Variants in MUSK observed in about 807,000 individuals in gnomAD.
The protein encoded by MUSK is muscle, skeletal receptor tyrosine-protein kinase.
A neutral mutation model predicts 88.7 loss-of-function variants in MUSK; 55 were observed. The observed-to-expected ratio is 0.62, with a 90% CI of 0.50 to 0.78. MUSK has a LOEUF of 0.78. MUSK is among the 30% of genes least tolerant of loss of function. MUSK has a pLI of 0.00. For missense variants in MUSK, 1,015 were observed against 1,074.3 expected (o/e 0.94, Z 0.77); for synonymous variants, 387 against 391.9 (o/e 0.99, Z 0.15).
At chr9:110,684,181 T>G (rs1291515026) in intron 2 of MUSK, among the ~76,000 whole-genome samples, 1 of 152,148 alleles carries the variant, frequency 6.6e-6, no homozygotes, top group Admixed American at 6.6e-5. Context: ...AGGGGTCTAG[T>G]TTTATTCTTC....
chr9:110,689,773 CAT>C (rs1564218242), intron 3 of MUSK, among the ~76,000 whole-genome samples: 1,016 of 74,768 alleles, frequency 0.014, 42 homozygotes, highest in African/African-American at 0.057. Context: ...ATATATATCA[CAT>C]ATAGTTTATA....
intron 5 of MUSK, among the ~76,000 whole-genome samples, chr9:110,701,769 AT>A (rs1392257662): frequency 5.0e-3 from 1 of 202 alleles, no homozygotes; most frequent in Non-Finnish European, 7.0e-3. Flanking sequence ...ATTTTATTTT[AT>A]TTTATTTTAT....
chr9:110,689,552 T>C (rs375731137), intron 3 of MUSK, among the ~76,000 whole-genome samples: 4 of 36,300 alleles, frequency 1.1e-4, no homozygotes, highest in Non-Finnish European at 1.9e-4. Flanking sequence ...GTTATATATA[T>C]TTATATATTA....
At position 110,768,907 on chromosome 9, in the gene MUSK, G is replaced by T. The variant is rs73655625; in HGVS notation, c.1184+824G>T. 7.2e-3 allele frequency among the ~76,000 whole-genome samples: 1,102 copies of T among 152,152 alleles called. 11 individuals are homozygous for T. Among genetic ancestry groups the T allele is most frequent in the African/African-American group, 0.026 (1,064 of 41,490 alleles). On this transcript the variant is annotated intron_variant, in intron 9 of 14. Coordinates refer to ENST00000374448, the MANE Select transcript of MUSK (RefSeq NM_005592.4). ...TAAACTCCCATACTTTTTAAATATT[G>T]AAATTGATAAATTTATGTTCAATAG... is the stretch of plus-strand genomic sequence containing the variant.
At chr9:110,722,252 G>A (rs1326775601) in intron 5 of MUSK, among the ~76,000 whole-genome samples, 3 of 152,016 alleles carry the variant, frequency 2.0e-5, no homozygotes, top group Non-Finnish European at 4.4e-5. Context: ...GGACTTGGCC[G>A]GGTGCATTGG....
In MUSK at chr9:110,697,454, C is replaced by T. The variant is rs751393601; in HGVS notation, c.616C>T (p.Leu206=). The change falls in exon 5 of 15, where the codon CTG becomes TTG. Residue 206 remains leucine, a synonymous_variant. Transcript: ENST00000374448. ...LGTAYSKVVK[L]EVEVFARILR... ...GACAGCATATTCCAAAGTGGTGAAG[C>T]TGGAAGTTGAGGGTAAGGAGCTGCA... 1.2e-6 allele frequency: 2 copies of T among 1,607,476 alleles called. No homozygotes were observed. Among genetic ancestry groups the T allele is most frequent in the African/African-American group, 1.3e-5 (1 of 74,792 alleles).
At position 110,800,405 on chromosome 9, in the gene MUSK, G is replaced by A; in HGVS notation, c.2027G>A (p.Cys676Tyr). 6.2e-7 allele frequency: 1 copy of A among 1,613,906 alleles called. No individual in the cohort carries two copies. Among genetic ancestry groups the A allele is most frequent in the Non-Finnish European group, 8.5e-7 (1 of 1,179,876 alleles). ...FLRSMSPHTV[C>Y]SLSHSDLSMR... ...CGCAGCATGTCCCCTCACACCGTGT[G>A]CAGCCTCAGTCACAGTGACTTGTCT... The change falls in exon 15 of 15, where the codon TGC (cysteine) becomes TAC (tyrosine). Residue 676 changes from cysteine (C) to tyrosine (Y), a missense_variant. Coordinates refer to ENST00000374448, the MANE Select transcript of MUSK (RefSeq NM_005592.4).
chr9:110,729,954 C>G (rs991920530), intron 5 of MUSK, among the ~76,000 whole-genome samples: 2 of 151,992 alleles, frequency 1.3e-5, no homozygotes, highest in Admixed American at 1.3e-4. Context: ...TATCTTTTTA[C>G]TATACCTTAC....
chr9:110,690,569 T>A (rs374628397), intron 3 of MUSK, among the ~76,000 whole-genome samples: 1 of 28,960 alleles, frequency 3.5e-5, no homozygotes, highest in African/African-American at 2.0e-4. Flanking sequence ...AGTATATATA[T>A]AAATATATAT....
At chr9:110,690,985 C>T (rs1310273180) in intron 3 of MUSK, among the ~76,000 whole-genome samples, 9 of 150,964 alleles carry the variant, frequency 6.0e-5, no homozygotes, top group African/African-American at 9.7e-5. Context: ...CTGCCTCAGC[C>T]TCCCAAGTAG....
At position 110,785,505 on chromosome 9, in the gene MUSK, A is replaced by C. The variant is rs770593807; in HGVS notation, c.1587-22A>C. ...TAACCTGCTTCTGAGCTCATTCCTG[A>C]TCTTGCCTGTCTTGCCTGCAGAGAA... On this transcript the variant is annotated intron_variant, in intron 12 of 14. Coordinates refer to ENST00000374448, the MANE Select transcript of MUSK (RefSeq NM_005592.4). The C allele has an allele frequency of 2.6e-6, 4 of 1,566,910 alleles. No homozygotes were observed. In the East Asian group the frequency reaches 6.8e-5, roughly 27 times the overall value.
At chr9:110,669,029 A>G (rs767552333) in intron 1 of MUSK, 46 bp downstream of exon 1, 2 of 1,517,790 alleles carry the variant, frequency 1.3e-6, no homozygotes, top group Non-Finnish European at 1.8e-6. Context: ...TCATGGTTGT[A>G]AAGTGTGTGT....
chr9:110,697,447 G>A lies in MUSK; in HGVS notation c.609G>A (p.Val203=), dbSNP rs762882154. The A allele has an allele frequency of 6.2e-6, 10 of 1,607,772 alleles. No homozygotes were observed. In the Admixed American group the frequency reaches 1.5e-4, roughly 24 times the overall value. ...KNSLGTAYSK[V]VKLEVEVFAR... ...GCCTCGGGACAGCATATTCCAAAGT[G>A]GTGAAGCTGGAAGTTGAGGGTAAGG... is the stretch of plus-strand genomic sequence containing the variant. The change falls in exon 5 of 15, where the codon GTG becomes GTA. Residue 203 remains valine, a synonymous_variant. Coordinates refer to ENST00000374448, the MANE Select transcript of MUSK (RefSeq NM_005592.4).
chr9:110,790,431 T>C (rs1305161106), intron 14 of MUSK, among the ~76,000 whole-genome samples: 3 of 152,200 alleles, frequency 2.0e-5, no homozygotes, highest in African/African-American at 4.8e-5. Flanking sequence ...AGCACATTTG[T>C]AAATTAATGA....
intron 11 of MUSK, among the ~76,000 whole-genome samples, chr9:110,779,120 T>C (rs572250108): frequency 5.4e-4 from 82 of 152,060 alleles, no homozygotes; most frequent in South Asian, 1.9e-3. Flanking sequence ...TAATTTGAAA[T>C]GTGGTTTGGG....
In MUSK at chr9:110,668,923, A is replaced by G; in HGVS notation, c.19A>G (p.Ile7Val). MRELVN[I>V]PLVHILTLVA... is the part of the protein sequence containing the mutation. ...ATTAATCATGAGAGAGCTCGTCAAC[A>G]TTCCACTGGTACATATTCTTACTCT... Residue 7 changes from isoleucine to valine, a missense_variant, in exon 1 of 15, where the codon ATT (isoleucine) becomes GTT (valine). By Grantham distance (29) the Ile-to-Val change is conservative. Transcript: ENST00000374448. The G allele has an allele frequency of 1.9e-6, 3 of 1,613,798 alleles. No homozygotes were observed. Among genetic ancestry groups the G allele is most frequent in the South Asian group, 2.2e-5 (2 of 91,080 alleles).
chr9:110,736,654 A>G (rs1284531033), intron 6 of MUSK, among the ~76,000 whole-genome samples: 1 of 152,030 alleles, frequency 6.6e-6, no homozygotes, highest in Non-Finnish European at 1.5e-5. Flanking sequence ...CTGTTTTCCC[A>G]CTGATTCTTG....
chr9:110,775,544 T>C (rs891184537), intron 9 of MUSK: 16 of 503,736 alleles, frequency 3.2e-5, no homozygotes, highest in African/African-American at 5.8e-5. Context: ...GACGTTTTTT[T>C]CCCTTAGACT....
At chr9:110,669,693 T>C (rs952718079) in intron 1 of MUSK, among the ~76,000 whole-genome samples, 2 of 152,176 alleles carry the variant, frequency 1.3e-5, no homozygotes, top group African/African-American at 4.8e-5. Flanking sequence ...TCCAGTGATA[T>C]AGTTTCTGGC....
Sources: allele counts gnomAD v4.1 joint callset (sites outside exome capture counted in the v4.1 genomes callset), GRCh38; gene constraint gnomAD v4.1.1; transcripts MANE v1.5; gene names NCBI Gene and HGNC (gene_info 2026-07-23, HGNC 2026-07-21).